The following STK31 variants were observed in gnomAD, a reference collection of about 807,000 sequenced individuals.
STK31 encodes serine/threonine-protein kinase 31.
Under a neutral mutation model 129.7 loss-of-function variants are expected in STK31, and 89 were observed. That is an observed-to-expected ratio of 0.69 (90% CI 0.58 to 0.82). The LOEUF is 0.82. Ranked by LOEUF, STK31 falls within the 40% of genes least tolerant of loss-of-function variation. STK31 has a pLI of 0.00. For missense variants in STK31, 1,187 were observed against 1,176.4 expected (o/e 1.01, Z -0.13); for synonymous variants, 448 against 395.3 (o/e 1.13, Z -1.58).
At chr7:23,734,995 G>A (rs939479160) in intron 6 of STK31, among the ~76,000 whole-genome samples, 1 of 152,118 alleles carries the variant, frequency 6.6e-6, no homozygotes, top group Non-Finnish European at 1.5e-5. Context: ...TTTTGAATAT[G>A]TATTTGTGAC....
intron 3 of STK31, among the ~76,000 whole-genome samples, chr7:23,716,026 T>TA (rs1786294055): frequency 6.6e-6 from 1 of 152,206 alleles, no homozygotes. Context: ...TTAACATTAG[T>TA]ACAATGCTAT....
At chr7:23,776,735 GTCTA>G (rs764509296) in intron 15 of STK31, among the ~76,000 whole-genome samples, 85 of 152,042 alleles carry the variant, frequency 5.6e-4, no homozygotes, top group Admixed American at 1.4e-3. Context: ...CTGGCTAGTG[GTCTA>G]TCTATTTTGT....
chr7:23,797,089 A>G (rs1425332084), intron 22 of STK31, among the ~76,000 whole-genome samples: 1 of 152,222 alleles, frequency 6.6e-6, no homozygotes, highest in Admixed American at 6.5e-5. Context: ...TATGCACCCA[A>G]TACAAGAGCA....
At chr7:23,784,529 T>C (rs551780461) in intron 17 of STK31, among the ~76,000 whole-genome samples, 41 of 152,252 alleles carry the variant, frequency 2.7e-4, no homozygotes, top group Non-Finnish European at 4.6e-4. Flanking sequence ...TATTTAAAAA[T>C]ATGCTAATCT....
intron 23 of STK31, among the ~76,000 whole-genome samples, chr7:23,817,063 C>T (rs1389108339): frequency 6.6e-6 from 1 of 152,082 alleles, no homozygotes; most frequent in Non-Finnish European, 1.5e-5. Context: ...TGGCGGGTGC[C>T]TGTAGTCCCA....
chr7:23,724,335 C>T (rs1228834292), intron 4 of STK31, among the ~76,000 whole-genome samples: 2 of 152,158 alleles, frequency 1.3e-5, no homozygotes, highest in African/African-American at 4.8e-5. Context: ...GGGTAAGGAG[C>T]CCTTAGTGTC....
intron 22 of STK31, among the ~76,000 whole-genome samples, chr7:23,792,969 C>T (rs551226404): frequency 6.6e-6 from 1 of 152,182 alleles, no homozygotes; most frequent in Non-Finnish European, 1.5e-5. Context: ...CTACAGTAAG[C>T]TATGACTGCT....
chr7:23,787,851 T>C, intron 20 of STK31, 129 bp from the exon 21 acceptor site: 1 of 831,784 alleles, frequency 1.2e-6, no homozygotes, highest in Admixed American at 3.2e-5. Context: ...CTCTATGCTG[T>C]ATTCTTATTA....
rs1490417846 is a variant in STK31 at position 23,730,876 on chromosome 7, A to ATTTTTT, written c.483+1628_483+1629insTTTTTT. On this transcript the variant is annotated intron_variant, in intron 6 of 23. Coordinates refer to ENST00000355870, the MANE Select transcript of STK31 (RefSeq NM_031414.5). Reference sequence around the variant, plus strand: ...AACATTTATATATATATATATATATATATTTTTTTTTTTTTTTTTTGGTTG... The same window carrying ATTTTTT: ...AACATTTATATATATATATATATATATTTTTTTATTTTTTTTTTTTTTTTTTGGTTG... 7.7e-4 allele frequency among the ~76,000 whole-genome samples: 46 copies of ATTTTTT among 59,946 alleles called. 1 individual carries two copies. Among genetic ancestry groups the ATTTTTT allele is most frequent in the African/African-American group, 2.2e-3 (45 of 20,002 alleles). 39.3% of individuals were successfully genotyped at this position (59,946 alleles called of 152,430 possible).
At chr7:23,718,371 A>G (rs1052544521) in intron 4 of STK31, among the ~76,000 whole-genome samples, 1 of 152,136 alleles carries the variant, frequency 6.6e-6, no homozygotes, top group South Asian at 2.1e-4. Flanking sequence ...AGTAAGGTAT[A>G]TATCTCTTAA....
chr7:23,711,573 A>G (rs1785967060), intron 1 of STK31, among the ~76,000 whole-genome samples: 1 of 152,124 alleles, frequency 6.6e-6, no homozygotes, highest in Non-Finnish European at 1.5e-5. Flanking sequence ...ATAAAGTATA[A>G]TATTATGTAA....
chr7:23,732,275 G>T (rs1342688404), intron 6 of STK31, among the ~76,000 whole-genome samples: 1 of 151,854 alleles, frequency 6.6e-6, no homozygotes, highest in Non-Finnish European at 1.5e-5. Context: ...AAAAAAAAAA[G>T]ATAAAAGTTA....
At chr7:23,787,771 C>A (rs868744282) in intron 20 of STK31, among the ~76,000 whole-genome samples, 1 of 128,694 alleles carries the variant, frequency 7.8e-6, no homozygotes, top group South Asian at 2.4e-4. Flanking sequence ...CACACACACA[C>A]ACACACACAC....
At chr7:23,803,637 T>A (rs1792513457) in intron 22 of STK31, among the ~76,000 whole-genome samples, 1 of 152,212 alleles carries the variant, frequency 6.6e-6, no homozygotes, top group Admixed American at 6.5e-5. Flanking sequence ...GTTATATAGA[T>A]AAACTCGTGC....
chr7:23,786,748 A>C, intron 19 of STK31, 90 bp from the exon 20 acceptor site: 1 of 1,542,342 alleles, frequency 6.5e-7, no homozygotes, highest in Admixed American at 2.0e-5. Flanking sequence ...CCTTAACATA[A>C]AAGAAAAATT....
intron 10 of STK31, among the ~76,000 whole-genome samples, chr7:23,754,779 C>T (rs1436027250): frequency 7.2e-5 from 11 of 151,974 alleles, no homozygotes; most frequent in Non-Finnish European, 1.3e-4. Flanking sequence ...GTTAGTTTGC[C>T]GAAGATGATG....
intron 8 of STK31, among the ~76,000 whole-genome samples, chr7:23,739,688 A>T (rs1787939501): frequency 2.0e-5 from 3 of 152,198 alleles, no homozygotes; most frequent in African/African-American, 7.2e-5. Flanking sequence ...AGTTTTCTTC[A>T]TATGGCTAGC....
intron 15 of STK31, among the ~76,000 whole-genome samples, chr7:23,777,349 C>T (rs1375211232): frequency 2.0e-5 from 3 of 152,078 alleles, no homozygotes; most frequent in Non-Finnish European, 4.4e-5. Context: ...CCACTTGGTC[C>T]AGAGTTGAGT....
At chr7:23,711,528 T>TA (rs1173958266) in intron 1 of STK31, among the ~76,000 whole-genome samples, 1 of 152,112 alleles carries the variant, frequency 6.6e-6, no homozygotes, top group African/African-American at 2.4e-5. Context: ...TAAAATTACA[T>TA]AGTGTACATT....
Sources: gnomAD v4.1 joint callset for allele counts (sites outside exome capture counted in the v4.1 genomes callset) on GRCh38, gnomAD v4.1.1 for gene constraint, MANE v1.5 for transcripts, NCBI Gene and HGNC (gene_info 2026-07-23, HGNC 2026-07-21) for gene names.